Variants in SLC2A2 observed in about 807,000 individuals in gnomAD.
SLC2A2 encodes solute carrier family 2, facilitated glucose transporter member 2.
A neutral mutation model predicts 54.5 loss-of-function variants in SLC2A2; 36 were observed. That is an observed-to-expected ratio of 0.66 (90% CI 0.51 to 0.87). The LOEUF (loss-of-function observed/expected upper bound fraction) is 0.87, where lower values mean the gene tolerates loss of function less well. Among genes scored for constraint, SLC2A2 ranks in the 40% least tolerant of loss-of-function variants. The pLI is 0.00. For synonymous variants in SLC2A2, 223 were observed against 219.1 expected (o/e 1.02, Z -0.16); for missense variants, 543 against 624.3 (o/e 0.87, Z 1.39).
chr3:171,024,103 G>A (rs571867696), intron 1 of SLC2A2, among the ~76,000 whole-genome samples: 9 of 152,156 alleles, frequency 5.9e-5, no homozygotes, highest in South Asian at 2.1e-4. Flanking sequence ...GGCTCCTAAC[G>A]TCACTGAGCC....
intron 2 of SLC2A2, among the ~76,000 whole-genome samples, chr3:171,016,778 G>A (rs1183711920): frequency 2.0e-5 from 3 of 152,098 alleles, no homozygotes; most frequent in African/African-American, 4.8e-5. Flanking sequence ...CTCTGGCTCT[G>A]GGACTTGGAT....
At position 170,997,133 on chromosome 3, in the gene SLC2A2, A is replaced by G. The variant is rs1362055362; in HGVS notation, c.*770T>C. On this transcript the variant is annotated 3_prime_UTR_variant, in exon 11 of 11. Coordinates refer to ENST00000314251, the MANE Select transcript of SLC2A2 (RefSeq NM_000340.2). ...ACTCAAAGGATTGTACCAGAAGGGA[A>G]TCAACATGGTTTTATAATAGATGTT... The G allele has an allele frequency of 2.0e-5, 3 of 152,748 alleles. No homozygotes were observed. The highest frequency in any genetic ancestry group is 1.3e-4 in the Admixed American group (2 of 15,266). The allele number at this position is 152,748 out of a possible 1,614,324, so 9.5% of individuals were successfully genotyped here.
intron 4 of SLC2A2, 128 bp downstream of exon 4, chr3:171,009,830 C>T (rs568044751): frequency 7.6e-7 from 1 of 1,316,422 alleles, no homozygotes; most frequent in Admixed American, 2.1e-5. Context: ...TATTGCCTTT[C>T]CCTCTGTGAT....
chr3:171,019,937 G>A lies in SLC2A2; in HGVS notation c.16-1314C>T, dbSNP rs375791274. ...AGGAGAGTGAAGGAAATTTTTTCTT[G>A]TATTCATATGATTAGACATTTCATA... On this transcript the variant is annotated intron_variant, in intron 1 of 10. Coordinates refer to ENST00000314251, the MANE Select transcript of SLC2A2 (RefSeq NM_000340.2). 4.1e-3 allele frequency among the ~76,000 whole-genome samples: 622 copies of A among 152,188 alleles called. 6 individuals carry two copies. Among genetic ancestry groups the A allele is most frequent in the African/African-American group, 0.014 (569 of 41,544 alleles).
At position 171,002,642 on chromosome 3, in the gene SLC2A2, A is replaced by T; in HGVS notation, c.1002T>A (p.Gly334=). The change falls in exon 8 of 11, where the codon GGT becomes GGA. Residue 334 remains glycine (G), a synonymous_variant. Coordinates refer to ENST00000314251, the MANE Select transcript of SLC2A2 (RefSeq NM_000340.2). ...TGGTTGCATAAACAGGTTTGCTGAT[A>T]CCAGCCGTCTGAAAAATGCTGGTTG... ...YYSTSIFQTA[G]ISKPVYATIG... The T allele has an allele frequency of 6.2e-7, 1 of 1,610,256 alleles. No homozygotes were observed.
Position 171,026,314 on chromosome 3 carries a change from G to A in SLC2A2, c.15+342C>T, listed in dbSNP as rs950997865. ...CCTCTTTTGTCTCTCCTGCATTGAC[G>A]TTTTTGAAGATTCCCGATGAGTTTT... is the stretch of plus-strand genomic sequence containing the variant. On this transcript the variant is annotated intron_variant, in intron 1 of 10. Coordinates refer to ENST00000314251, the MANE Select transcript of SLC2A2 (RefSeq NM_000340.2). Among the ~76,000 whole-genome samples the A allele has an allele frequency of 4.1e-5, 6 of 146,066 alleles. No homozygotes were observed. In the South Asian group the frequency reaches 6.5e-4, roughly 16 times the overall value.
In SLC2A2 at chr3:171,002,594, C is replaced by G. The variant is rs775407568; in HGVS notation, c.1050G>C (p.Met350Ile). Residue 350 changes from methionine to isoleucine, a missense_variant, in exon 8 of 11, where the codon ATG becomes ATC. Physicochemically the swap from Met to Ile is conservative, Grantham distance 10 (BLOSUM62 1). This residue lies in a region of SLC2A2 where 117 missense variants were observed against 179.2 expected (regional missense o/e 0.65). Transcript: ENST00000314251. ...GACTTACAGAGACAGCAGTGAAAAC[C>G]ATGTTTACAGCGCCAACTCCAATGG... ...YATIGVGAVN[M>I]VFTAVSVFLV... is the part of the protein sequence containing the mutation. The G allele has an allele frequency of 5.6e-6, 9 of 1,608,502 alleles. No individual in the cohort carries two copies. Among genetic ancestry groups the G allele is most frequent in the Non-Finnish European group, 7.7e-6 (9 of 1,175,882 alleles).
intron 1 of SLC2A2, among the ~76,000 whole-genome samples, chr3:171,023,395 G>A (rs898486028): frequency 6.6e-5 from 10 of 152,054 alleles, no homozygotes; most frequent in Non-Finnish European, 7.3e-5. Flanking sequence ...ATGTTAAAAT[G>A]GCTCCCACTC....
chr3:170,997,673 C>G lies in SLC2A2; in HGVS notation c.*230G>C. ...TAGAACCACCTGCCCTTTAGTGTAACAAAATAAACTAGCCTTTTTGGTTTA... is the reference window on the plus strand; with the variant it reads ...TAGAACCACCTGCCCTTTAGTGTAAGAAAATAAACTAGCCTTTTTGGTTTA... On this transcript the variant is annotated 3_prime_UTR_variant, in exon 11 of 11. Coordinates refer to ENST00000314251, the MANE Select transcript of SLC2A2 (RefSeq NM_000340.2). 1 of 526,690 alleles carries G rather than the reference C, an allele frequency of 1.9e-6. No individual in the cohort carries two copies. The highest frequency in any genetic ancestry group is 3.4e-5 in the East Asian group (1 of 29,462). 32.6% of individuals were successfully genotyped at this position (526,690 alleles called of 1,614,324 possible). A position where few individuals can be genotyped will look rare whatever the true frequency, so the allele number is the denominator to read the frequency against.
chr3:171,025,006 A>G (rs926227376), intron 1 of SLC2A2, among the ~76,000 whole-genome samples: 8 of 152,242 alleles, frequency 5.3e-5, no homozygotes, highest in African/African-American at 1.7e-4. Context: ...CACTATGTTA[A>G]GCACATTACC....
chr3:171,018,448 C>T, intron 2 of SLC2A2, 83 bp downstream of exon 2: 1 of 990,880 alleles, frequency 1.0e-6, no homozygotes, highest in South Asian at 1.3e-5. Flanking sequence ...CGTGGACACC[C>T]TTTATCTCTG....
intron 8 of SLC2A2, 51 bp downstream of exon 8, chr3:171,002,525 A>G: frequency 8.4e-7 from 1 of 1,195,746 alleles, no homozygotes; most frequent in Non-Finnish European, 1.2e-6. Flanking sequence ...CCCCTCCTGC[A>G]ATTTCTGGAC....
chr3:171,000,896 T>G (rs1190495561), intron 8 of SLC2A2, among the ~76,000 whole-genome samples: 5 of 152,090 alleles, frequency 3.3e-5, no homozygotes, highest in Non-Finnish European at 7.4e-5. Context: ...GGACTATCCT[T>G]TTTATACTTT....
At chr3:171,021,994 C>T (rs1211353796) in intron 1 of SLC2A2, among the ~76,000 whole-genome samples, 1 of 152,156 alleles carries the variant, frequency 6.6e-6, no homozygotes, top group Non-Finnish European at 1.5e-5. Context: ...AGGAAAATCT[C>T]ATCTCTAGGT....
intron 3 of SLC2A2, among the ~76,000 whole-genome samples, chr3:171,010,866 G>A (rs890988284): frequency 6.6e-6 from 1 of 152,002 alleles, no homozygotes; most frequent in Non-Finnish European, 1.5e-5. Flanking sequence ...GACAACATTT[G>A]CAGATATCTG....
chr3:171,026,641 A>G lies in SLC2A2; in HGVS notation c.15+15T>C. On this transcript the variant is annotated intron_variant, in intron 1 of 10. Transcript: ENST00000314251. ...CCTGAAAACCAGACTTGAAATGAAT[A>G]TAATGCTGCTTTACCTTATCTTCTG... 6.2e-7 allele frequency: 1 copy of G among 1,610,696 alleles called. No homozygotes were observed. Among genetic ancestry groups the G allele is most frequent in the South Asian group, 1.1e-5 (1 of 90,984 alleles).
At chr3:171,025,820 C>T (rs1716662381) in intron 1 of SLC2A2, among the ~76,000 whole-genome samples, 2 of 152,120 alleles carry the variant, frequency 1.3e-5, no homozygotes. Flanking sequence ...TATAAGGGAG[C>T]AAGGACACTA....
intron 1 of SLC2A2, among the ~76,000 whole-genome samples, chr3:171,023,805 T>G (rs1160971563): frequency 7.2e-5 from 11 of 152,212 alleles, no homozygotes; most frequent in Admixed American, 7.2e-4. Flanking sequence ...GCAGAAGATC[T>G]TCAAGCCTTT....
Position 171,006,112 on chromosome 3 carries a change from A to C in SLC2A2, c.613-7T>G, listed in dbSNP as rs2108244550. 2 of 1,611,034 alleles carry C rather than the reference A, an allele frequency of 1.2e-6. No individual in the cohort carries two copies. The highest frequency in any genetic ancestry group is 2.2e-5 in the South Asian group (2 of 91,014). On this transcript the variant is annotated splice_polypyrimidine_tract_variant and splice_region_variant and intron_variant, in intron 5 of 10. Coordinates refer to ENST00000314251, the MANE Select transcript of SLC2A2 (RefSeq NM_000340.2). ...TAAATTCAAGACCAATAATCTGAAA[A>C]TGCAAGGAGGAAGTATATCAACTAC...
Sources: gnomAD v4.1 joint callset for allele counts (sites outside exome capture counted in the v4.1 genomes callset) on GRCh38, gnomAD v4.1.1 for gene constraint, gnomAD v4.1.1 regional missense constraint, MANE v1.5 for transcripts, NCBI Gene and HGNC (gene_info 2026-07-23, HGNC 2026-07-21) for gene names.